The following SRGAP3 variants were observed in gnomAD, a reference collection of about 807,000 sequenced individuals.
The protein encoded by SRGAP3 is SLIT-ROBO Rho GTPase activating protein 3.
A neutral mutation model predicts 121.1 loss-of-function variants in SRGAP3; 39 were observed. That is an observed-to-expected ratio of 0.32 (90% CI 0.25 to 0.42). The LOEUF (loss-of-function observed/expected upper bound fraction) is 0.42, where lower values mean the gene tolerates loss of function less well. Ranked by LOEUF, SRGAP3 falls within the 10% of genes least tolerant of loss-of-function variation. The pLI, the probability that SRGAP3 is intolerant of heterozygous loss-of-function variation, is 1.00. For synonymous variants in SRGAP3, 601 were observed against 570.0 expected (o/e 1.05, Z -0.77); for missense variants, 1,213 against 1,470.6 (o/e 0.82, Z 2.86).
chr3:9,356,977 T>G (rs2030550067), intron 1 of SRGAP3, among the ~76,000 whole-genome samples: 1 of 152,060 alleles, frequency 6.6e-6, no homozygotes, highest in Non-Finnish European at 1.5e-5. Context: ...TATTTTATTT[T>G]GGGGGGTGGG....
chr3:9,131,594 C>T (rs1196483372), intron 1 of SRGAP3, among the ~76,000 whole-genome samples: 1 of 151,920 alleles, frequency 6.6e-6, no homozygotes, highest in Non-Finnish European at 1.5e-5. Context: ...TGCACACCAC[C>T]ACGCCCAGCT....
intron 4 of SRGAP3, among the ~76,000 whole-genome samples, chr3:9,074,920 T>A (rs1946889946): frequency 6.6e-6 from 1 of 152,194 alleles, no homozygotes; most frequent in Non-Finnish European, 1.5e-5. Context: ...ACTGGGCCTC[T>A]CCTGCAGCCC....
intron 3 of SRGAP3, among the ~76,000 whole-genome samples, chr3:9,092,071 G>A (rs1468570112): frequency 6.6e-6 from 1 of 152,060 alleles, no homozygotes; most frequent in Non-Finnish European, 1.5e-5. Flanking sequence ...GCACACCCGG[G>A]AGCCCAGGCA....
intron 4 of SRGAP3, among the ~76,000 whole-genome samples, chr3:9,071,371 C>T (rs1355190097): frequency 6.6e-6 from 1 of 152,062 alleles, no homozygotes; most frequent in African/African-American, 2.4e-5. Context: ...CTGGGGTGGG[C>T]ATGAGACCCT....
At chr3:8,999,174 G>A (rs1574875459) in intron 18 of SRGAP3, among the ~76,000 whole-genome samples, 2 of 152,178 alleles carry the variant, frequency 1.3e-5, no homozygotes, top group Admixed American at 1.3e-4. Flanking sequence ...CTACAGGAGA[G>A]GTTGAGACTG....
chr3:9,006,954 C>CTTTTTTTT (rs891322969), intron 18 of SRGAP3: 10 of 106,614 alleles, frequency 9.4e-5, no homozygotes, highest in African/African-American at 3.0e-4. Flanking sequence ...GGTATAGAAT[C>CTTTTTTTT]TTTTTTTTTT....
At chr3:9,024,148 G>T (rs1463303023) in intron 14 of SRGAP3, among the ~76,000 whole-genome samples, 1 of 152,120 alleles carries the variant, frequency 6.6e-6, no homozygotes, top group Non-Finnish European at 1.5e-5. Context: ...TACCTTTTGG[G>T]ATGTTATGTA....
intron 2 of SRGAP3, among the ~76,000 whole-genome samples, chr3:9,121,599 T>C (rs1445584000): frequency 6.6e-6 from 1 of 152,212 alleles, no homozygotes; most frequent in Admixed American, 6.5e-5. Context: ...GCAGCCTGCA[T>C]GGCCGGGCTG....
At chr3:9,053,439 C>A (rs142260320) in intron 8 of SRGAP3, among the ~76,000 whole-genome samples, 1 of 152,316 alleles carries the variant, frequency 6.6e-6, no homozygotes, top group Non-Finnish European at 1.5e-5. Flanking sequence ...AGCCAGGTTG[C>A]CCAATTTAAA....
At chr3:9,069,960 G>C (rs1026991215) in intron 4 of SRGAP3, among the ~76,000 whole-genome samples, 12 of 152,048 alleles carry the variant, frequency 7.9e-5, no homozygotes, top group African/African-American at 2.7e-4. Flanking sequence ...AAAAAAGAAA[G>C]AAAGAAAGAA....
intron 3 of SRGAP3, among the ~76,000 whole-genome samples, chr3:9,314,676 C>T (rs1367240893): frequency 6.6e-6 from 1 of 152,134 alleles, no homozygotes; most frequent in African/African-American, 2.4e-5. Context: ...TCCACCCTGC[C>T]CTCCTCTCCC....
At chr3:9,093,183 A>C (rs75150016) in intron 3 of SRGAP3, among the ~76,000 whole-genome samples, 5,570 of 152,276 alleles carry the variant, frequency 0.037, 331 homozygotes, top group African/African-American at 0.13. Flanking sequence ...GTTGGTTTCA[A>C]AACATTATTG....
At chr3:9,361,846 G>A (rs2030865340) in intron 1 of SRGAP3, among the ~76,000 whole-genome samples, 1 of 152,172 alleles carries the variant, frequency 6.6e-6, no homozygotes, top group South Asian at 2.1e-4. Context: ...AGGACGTGCA[G>A]TGAGGGTTTT....
chr3:9,137,148 T>A (rs1287042052), intron 1 of SRGAP3, among the ~76,000 whole-genome samples: 1 of 152,142 alleles, frequency 6.6e-6, no homozygotes, highest in Non-Finnish European at 1.5e-5. Context: ...ATGTAAATAT[T>A]AAGAAATCTG....
chr3:9,268,918 G>A (rs751054652), intron 3 of SRGAP3, among the ~76,000 whole-genome samples: 2 of 152,030 alleles, frequency 1.3e-5, no homozygotes, highest in East Asian at 1.9e-4. Flanking sequence ...GACATCCAAC[G>A]CTGTCCCTTT....
At chr3:9,233,088 G>A (rs555907491) in intron 1 of SRGAP3, among the ~76,000 whole-genome samples, 3 of 152,268 alleles carry the variant, frequency 2.0e-5, no homozygotes, top group Non-Finnish European at 2.9e-5. Flanking sequence ...TGGCTTAGCC[G>A]ACATTTCTAG....
At chr3:9,158,864 A>G (rs1950511845) in intron 1 of SRGAP3, among the ~76,000 whole-genome samples, 1 of 152,212 alleles carries the variant, frequency 6.6e-6, no homozygotes. Flanking sequence ...GGAAGGCCTC[A>G]GCTGCCTGCA....
At chr3:9,298,612 G>A (rs563771359) in intron 3 of SRGAP3, among the ~76,000 whole-genome samples, 21 of 152,184 alleles carry the variant, frequency 1.4e-4, no homozygotes, top group African/African-American at 5.1e-4. Context: ...ACAATGCAGA[G>A]GAAATGATGT....
intron 1 of SRGAP3, among the ~76,000 whole-genome samples, chr3:9,172,219 G>A (rs1237475341): frequency 2.0e-5 from 3 of 150,978 alleles, no homozygotes; most frequent in African/African-American, 7.3e-5. Context: ...TCGGCCTCCT[G>A]AGTAACTGGG....
Sources: gnomAD v4.1 joint callset for allele counts (sites outside exome capture counted in the v4.1 genomes callset) on GRCh38, gnomAD v4.1.1 for gene constraint, MANE v1.5 for transcripts, NCBI Gene and HGNC (gene_info 2026-07-23, HGNC 2026-07-21) for gene names.